Variants in SPICE1 observed in about 807,000 individuals in gnomAD.
SPICE1 encodes spindle and centriole associated protein 1.
Under a neutral mutation model 102.7 loss-of-function variants are expected in SPICE1, and 75 were observed. The ratio of observed to expected loss-of-function variants is 0.73; its 90% CI spans 0.61 to 0.88. The LOEUF (loss-of-function observed/expected upper bound fraction) is 0.88, where lower values mean the gene tolerates loss of function less well. Among genes scored for constraint, SPICE1 ranks in the 40% least tolerant of loss-of-function variants. The pLI is 0.00. For missense variants in SPICE1, 979 were observed against 1,020.1 expected, an observed-to-expected ratio of 0.96 and a Z score of 0.55; for synonymous variants, 308 against 350.3, an observed-to-expected ratio of 0.88 and a Z score of 1.35.
At chr3:113,497,699 A>AG (rs1553770141) in intron 4 of SPICE1, among the ~76,000 whole-genome samples, 3 of 132,066 alleles carry the variant, frequency 2.3e-5, no homozygotes, top group South Asian at 4.9e-4. Context: ...AGAGAGAGAG[A>AG]AAGAGAGCTT....
At chr3:113,505,474 G>A (rs1397927779) in intron 2 of SPICE1, among the ~76,000 whole-genome samples, 2 of 152,148 alleles carry the variant, frequency 1.3e-5, no homozygotes, top group Non-Finnish European at 2.9e-5. Context: ...TGGCTAACAT[G>A]GTAGGTTGCA....
intron 12 of SPICE1, among the ~76,000 whole-genome samples, chr3:113,459,224 TCG>T (rs1935865376): frequency 6.6e-6 from 1 of 152,074 alleles, no homozygotes. Context: ...AGCAGCATAC[TCG>T]TTAAGAGTCA....
chr3:113,501,225 G>T (rs1368875091), intron 3 of SPICE1, among the ~76,000 whole-genome samples: 2 of 151,906 alleles, frequency 1.3e-5, no homozygotes, highest in Non-Finnish European at 2.9e-5. Context: ...AATAAAGTTG[G>T]GCCCCCCTCC....
intron 7 of SPICE1, 34 bp from the exon 8 acceptor site, chr3:113,469,272 T>C (rs746664855): frequency 1.9e-5 from 22 of 1,142,436 alleles, no homozygotes; most frequent in Non-Finnish European, 2.4e-5. Context: ...TACATGAGAA[T>C]TATAATATAA....
chr3:113,497,819 C>T (rs1163485100), intron 4 of SPICE1, among the ~76,000 whole-genome samples: 1 of 149,638 alleles, frequency 6.7e-6, no homozygotes, highest in Non-Finnish European at 1.5e-5. Context: ...TCTCCTGCCT[C>T]AGCCTCCTGA....
chr3:113,459,582 G>A, intron 12 of SPICE1: 1 of 985,378 alleles, frequency 1.0e-6, no homozygotes, highest in Non-Finnish European at 1.2e-6. Flanking sequence ...TTCCTTGACT[G>A]AGATATTAAT....
intron 7 of SPICE1, among the ~76,000 whole-genome samples, chr3:113,471,382 T>C (rs569703644): frequency 6.6e-6 from 1 of 152,224 alleles, no homozygotes; most frequent in East Asian, 1.9e-4. Flanking sequence ...ACAGAGGAGA[T>C]GATGTGAAGA....
chr3:113,505,166 T>C (rs1937082609), intron 2 of SPICE1, among the ~76,000 whole-genome samples: 1 of 152,040 alleles, frequency 6.6e-6, no homozygotes, highest in Non-Finnish European at 1.5e-5. Context: ...GTTGTAGAGG[T>C]GGAACCCCAG....
chr3:113,466,721 G>T (rs932888310), intron 10 of SPICE1, among the ~76,000 whole-genome samples: 1 of 152,150 alleles, frequency 6.6e-6, no homozygotes, highest in Non-Finnish European at 1.5e-5. Context: ...GTTTTAATAG[G>T]TCTGACAATA....
intron 3 of SPICE1, among the ~76,000 whole-genome samples, chr3:113,501,160 A>C (rs1937000155): frequency 6.6e-6 from 1 of 152,174 alleles, no homozygotes; most frequent in Non-Finnish European, 1.5e-5. Flanking sequence ...TTCAATGGGG[A>C]AAGAATAGTC....
At chr3:113,473,702 G>C (rs1157635308) in intron 7 of SPICE1, among the ~76,000 whole-genome samples, 1 of 151,382 alleles carries the variant, frequency 6.6e-6, no homozygotes, top group African/African-American at 2.4e-5. Context: ...CATAAGTGAA[G>C]GAGAAATAAA....
intron 6 of SPICE1, 90 bp downstream of exon 6, chr3:113,493,116 T>C: frequency 1.1e-6 from 1 of 938,772 alleles, no homozygotes. Flanking sequence ...CTTGTTGATA[T>C]TTAAACTTTT....
At chr3:113,451,025 A>G (rs1380165179) in intron 14 of SPICE1, among the ~76,000 whole-genome samples, 1 of 152,192 alleles carries the variant, frequency 6.6e-6, no homozygotes, top group Non-Finnish European at 1.5e-5. Context: ...GCTCCAAGTG[A>G]GCTGGTCTCT....
intron 13 of SPICE1, among the ~76,000 whole-genome samples, chr3:113,456,108 C>T (rs1935773216): frequency 6.6e-6 from 1 of 152,202 alleles, no homozygotes; most frequent in Non-Finnish European, 1.5e-5. Context: ...GTCACCATTG[C>T]ACCATACTGA....
intron 12 of SPICE1, among the ~76,000 whole-genome samples, chr3:113,458,422 C>T (rs568131765): frequency 2.6e-5 from 4 of 152,330 alleles, no homozygotes; most frequent in Admixed American, 2.0e-4. Flanking sequence ...CCGTGTTGGC[C>T]GGGCTGGTCT....
chr3:113,468,828 G>C lies in SPICE1; in HGVS notation c.823C>G (p.Leu275Val), dbSNP rs16861032. Residue 275 changes from leucine to valine, a missense_variant, in exon 9 of 18, where the codon CTA becomes GTA. Physicochemically the swap from Leu to Val is conservative, Grantham distance 32. Coordinates refer to ENST00000295872, the MANE Select transcript of SPICE1 (RefSeq NM_144718.4). ...RLQPEESTET[L>V]DSSYVVGHVL... Reference sequence around the variant, plus strand: ...TGTCCCACAACGTAGCTTGAGTCTAGAGTCTCAGTAGATTCTTCAGGCTGA... The same window carrying C: ...TGTCCCACAACGTAGCTTGAGTCTACAGTCTCAGTAGATTCTTCAGGCTGA... 0.04 allele frequency: 63,975 copies of C among 1,614,038 alleles called. 1,537 individuals are homozygous for C. The highest frequency in any genetic ancestry group is 0.11 in the East Asian group (4,852 of 44,866).
chr3:113,510,826 A>C (rs545060826), intron 1 of SPICE1, among the ~76,000 whole-genome samples: 1 of 152,352 alleles, frequency 6.6e-6, no homozygotes, highest in African/African-American at 2.4e-5. Flanking sequence ...CAGAGCAAAC[A>C]GACAACCTAC....
rs748406693 is a variant in SPICE1, at chr3:113,457,136, C to T, written c.1657G>A (p.Val553Ile). Residue 553 changes from valine (V) to isoleucine (I), a missense_variant and splice_region_variant, in exon 13 of 18, where the codon GTA becomes ATA. Physicochemically the swap from Val to Ile is conservative, Grantham distance 29. Coordinates refer to ENST00000295872, the MANE Select transcript of SPICE1 (RefSeq NM_144718.4). ...SNLKFSPLQD[V>I]LRRTVQTRPA... ...CATGTAACTTTAGAAGAAGACTTAC[C>T]GTCCTGAAGAGGAGAGAATTTTAAG... 10 of 1,612,322 alleles carry T rather than the reference C, an allele frequency of 6.2e-6. No homozygotes were observed. Among genetic ancestry groups the T allele is most frequent in the South Asian group, 2.2e-5 (2 of 90,820 alleles).
At chr3:113,457,805 T>A (rs1576624191) in intron 12 of SPICE1, among the ~76,000 whole-genome samples, 1 of 152,212 alleles carries the variant, frequency 6.6e-6, no homozygotes, top group East Asian at 1.9e-4. Context: ...ACTATAGGCA[T>A]GCACCATCAC....
Sources: gnomAD v4.1 joint callset for allele counts (sites outside exome capture counted in the v4.1 genomes callset) on GRCh38, gnomAD v4.1.1 for gene constraint, MANE v1.5 for transcripts, NCBI Gene and HGNC (gene_info 2026-07-23, HGNC 2026-07-21) for gene names.